ACOT1: variants seen among roughly 807,000 people sequenced by gnomAD.
ACOT1 encodes acyl-coenzyme A thioesterase 1.
Under a neutral mutation model 15.7 loss-of-function variants are expected in ACOT1, and 8 were observed. That is an observed-to-expected ratio of 0.51 (90% CI 0.30 to 0.92). ACOT1 has a LOEUF of 0.92. ACOT1 is among the 40% of genes least tolerant of loss of function. ACOT1 has a pLI of 0.06. For synonymous variants in ACOT1, 67 were observed against 241.2 expected (o/e 0.28, Z 6.69); for missense variants, 151 against 539.4 (o/e 0.28, Z 7.13).
At chr14:73,496,550 C>T in the ACOT1 span, 1 of 1,135,570 alleles carries the variant, frequency 8.8e-7, no homozygotes, top group Non-Finnish European at 1.3e-6. Flanking sequence ...GTCTGAGGAA[C>T]TCTTGAGAGT....
At chr14:73,506,804 GTTTTTTTTT>G in the ACOT1 span, among the ~76,000 whole-genome samples, 1,421 of 80,506 alleles carry the variant, frequency 0.018, 129 homozygotes, top group South Asian at 0.25. Flanking sequence ...GACTTTAACT[GTTTTTTTTT>G]TTTTTTTTTT....
At chr14:73,498,347 G>A in the ACOT1 span, 19 of 1,588,838 alleles carry the variant, frequency 1.2e-5, no homozygotes, top group South Asian at 2.1e-4. Context: ...TCCCAAAGCT[G>A]CAGAGATTAG....
chr14:73,529,735 G>A, the ACOT1 span, among the ~76,000 whole-genome samples: 54 of 151,848 alleles, frequency 3.6e-4, no homozygotes, highest in Non-Finnish European at 6.6e-4. Flanking sequence ...GTTGAGTAAC[G>A]TGTGCTAAAA....
At chr14:73,506,529 G>T in the ACOT1 span, 3 of 1,613,724 alleles carry the variant, frequency 1.9e-6, no homozygotes, top group Admixed American at 3.3e-5. Context: ...TTCTTCCATT[G>T]ACAGCTGTTC....
the ACOT1 span, among the ~76,000 whole-genome samples, chr14:73,518,706 C>T: frequency 6.6e-6 from 1 of 152,110 alleles, no homozygotes; most frequent in African/African-American, 2.4e-5. Context: ...TGCACTTTCC[C>T]TGTTAGGTGC....
chr14:73,518,120 C>CTGT, the ACOT1 span, among the ~76,000 whole-genome samples: 1 of 151,616 alleles, frequency 6.6e-6, no homozygotes, highest in Non-Finnish European at 1.5e-5. Context: ...AATCCTGTGG[C>CTGT]TGTCCACAGC....
At position 73,538,611 on chromosome 14, in the gene ACOT1, C is replaced by CAAA. The variant is rs59948219; in HGVS notation, c.457+750_457+752dup. The stretch of plus-strand genomic sequence containing the variant: ...TGGGCAATAGAGTGAGACTCCGTCT[C>CAAA]AAAAAAAAAAAAAAAAAAAGGCATT... On this transcript the variant is annotated intron_variant, in intron 1 of 2. Transcript: ENST00000311148. Among the ~76,000 whole-genome samples the CAAA allele has an allele frequency of 5.5e-4, 15 of 27,230 alleles. 1 individual carries two copies. The highest frequency in any genetic ancestry group is 1.5e-3 in the African/African-American group (15 of 9,948). 17.9% of individuals were successfully genotyped at this position (27,230 alleles called of 152,430 possible). A position where few individuals can be genotyped will look rare whatever the true frequency, so the allele number is the denominator to read the frequency against.
chr14:73,495,318 C>T, the ACOT1 span: 1 of 1,614,040 alleles, frequency 6.2e-7, no homozygotes, highest in Non-Finnish European at 8.5e-7. Context: ...TCCTCCCTCA[C>T]TTTTCCCATG....
At chr14:73,502,251 G>T in the ACOT1 span, among the ~76,000 whole-genome samples, 7 of 151,942 alleles carry the variant, frequency 4.6e-5, no homozygotes, top group African/African-American at 1.7e-4. Context: ...TAGCCACGCT[G>T]AGTATTCCAT....
At chr14:73,502,822 ACCTTGCCCAG>A in the ACOT1 span, 1 of 1,170,520 alleles carries the variant, frequency 8.5e-7, no homozygotes, top group Non-Finnish European at 1.3e-6. Context: ...GTTGGGAGCC[ACCTTGCCCAG>A]CCTGCCTCCT....
At chr14:73,508,012 T>G in the ACOT1 span, 5 of 904,494 alleles carry the variant, frequency 5.5e-6, no homozygotes, top group South Asian at 7.8e-5. Context: ...TCCCGAAGTG[T>G]TGGGATTACA....
the ACOT1 span, chr14:73,530,204 C>T: frequency 0.018 from 2,463 of 139,680 alleles, 76 homozygotes; most frequent in African/African-American, 0.047. Flanking sequence ...TGGAATCAAG[C>T]GATCTTCCTG....
rs778993401 is a variant in ACOT1, at chr14:73,537,467, G to A, written c.46G>A (p.Asp16Asn). 1.6e-6 allele frequency: 2 copies of A among 1,230,086 alleles called. 1 individual carries two copies. Among genetic ancestry groups the A allele is most frequent in the South Asian group, 2.8e-5 (2 of 70,718 alleles). 76.2% of individuals were successfully genotyped at this position (1,230,086 alleles called of 1,614,324 possible). The change falls in exon 1 of 3, where the codon GAC becomes AAC. Residue 16 changes from aspartate to asparagine, a missense_variant. By Grantham distance (23) the Asp-to-Asn change is conservative. Coordinates refer to ENST00000311148, the MANE Select transcript of ACOT1 (RefSeq NM_001037161.2). ...GGAGCCCGCGGGCCGCTGCTGCTGGGACGAACCGGTGCGAATCGCCGTGCG... is the reference window on the plus strand; with the variant it reads ...GGAGCCCGCGGGCCGCTGCTGCTGGAACGAACCGGTGCGAATCGCCGTGCG... ...ILEPAGRCCWDEPVRIAVRGL... is the reference protein window; with the variant it reads ...ILEPAGRCCWNEPVRIAVRGL...
the ACOT1 span, chr14:73,527,201 CTG>C: frequency 1.3e-5 from 2 of 151,940 alleles, no homozygotes; most frequent in African/African-American, 4.8e-5. Flanking sequence ...TAAGTCCAGA[CTG>C]TAAAGACTTG....
the ACOT1 span, among the ~76,000 whole-genome samples, chr14:73,514,414 A>C: frequency 6.6e-6 from 1 of 152,148 alleles, no homozygotes; most frequent in Admixed American, 6.5e-5. Context: ...GGAATTATGG[A>C]AAGTCCTGAC....
chr14:73,523,674 C>T, the ACOT1 span, among the ~76,000 whole-genome samples: 1 of 152,180 alleles, frequency 6.6e-6, no homozygotes, highest in Non-Finnish European at 1.5e-5. Context: ...TATCCTCTCT[C>T]CACATAATGA....
the ACOT1 span, chr14:73,530,429 C>T: frequency 2.3e-5 from 3 of 130,450 alleles, no homozygotes; most frequent in Non-Finnish European, 5.0e-5. Flanking sequence ...TGAAGGAAGC[C>T]TGGTTAGTGG....
chr14:73,523,144 C>T, the ACOT1 span: 3 of 1,591,520 alleles, frequency 1.9e-6, no homozygotes, highest in Admixed American at 1.7e-5. Flanking sequence ...CCTTCTGGGT[C>T]CTGGTCATAC....
chr14:73,492,043 C>T, the ACOT1 span: 1 of 1,614,022 alleles, frequency 6.2e-7, no homozygotes, highest in Non-Finnish European at 8.5e-7. The surrounding 1 kb of genome is among the most constrained non-coding windows in gnomAD (Gnocchi z 4.9). Context: ...CCCACTACGA[C>T]GACATCGAGG....
Sources: allele counts gnomAD v4.1 joint callset (sites outside exome capture counted in the v4.1 genomes callset), GRCh38; gene constraint gnomAD v4.1.1; non-coding constraint Gnocchi (gnomAD v3.1); transcripts MANE v1.5; gene names NCBI Gene and HGNC (gene_info 2026-07-23, HGNC 2026-07-21).